Variants in NCAM1 observed in about 807,000 individuals in gnomAD.
NCAM1 encodes antigen recognized by monoclonal antibody 5.1H11.
A neutral mutation model predicts 109.8 loss-of-function variants in NCAM1; 14 were observed. The ratio of observed to expected loss-of-function variants is 0.13; its 90% CI spans 0.08 to 0.20. The LOEUF is 0.20. NCAM1 is among the 10% of genes least tolerant of loss of function. The pLI, the probability that NCAM1 is intolerant of heterozygous loss-of-function variation, is 1.00. For missense variants in NCAM1, 774 were observed against 1,109.9 expected, an observed-to-expected ratio of 0.70 and a Z score of 4.30; for synonymous variants, 418 against 442.9, an observed-to-expected ratio of 0.94 and a Z score of 0.70.
At chr11:113,134,023 A>G (rs1186511555) in intron 1 of NCAM1, 1 of 151,874 alleles carries the variant, frequency 6.6e-6, no homozygotes, top group Non-Finnish European at 1.5e-5. Context: ...CATGTTAATC[A>G]TTTTTAAGTA....
intron 1 of NCAM1, among the ~76,000 whole-genome samples, chr11:113,087,286 C>A (rs1430741815): frequency 2.6e-5 from 4 of 152,194 alleles, no homozygotes; most frequent in African/African-American, 7.2e-5. Context: ...AATGTATCTC[C>A]TATTTCCCTG....
chr11:113,093,200 T>C (rs145600873), intron 1 of NCAM1, among the ~76,000 whole-genome samples: 24 of 152,304 alleles, frequency 1.6e-4, no homozygotes, highest in African/African-American at 5.8e-4. Flanking sequence ...TGGGGGTTCC[T>C]CTAGGAGCAC....
In NCAM1 at chr11:112,963,597, GT is replaced by G. The variant is rs1161507422; in HGVS notation, c.52+1935del. ...TGCCACCTGGGCGGGGGCCACCCCG[GT>G]TATGCCCCTTTCCGCGGTGCCCGTG... On this transcript the variant is annotated intron_variant, in intron 1 of 19. Transcript: ENST00000316851. The surrounding 1 kb of genome is among the most constrained non-coding windows in gnomAD (Gnocchi z 4.6). 2.0e-5 allele frequency: 3 copies of G among 152,482 alleles called. No individual in the cohort carries two copies. Among genetic ancestry groups the G allele is most frequent in the African/African-American group, 7.2e-5 (3 of 41,460 alleles). The allele number at this position is 152,482 out of a possible 1,614,324, so 9.4% of individuals were successfully genotyped here.
At chr11:113,017,833 C>T (rs1348475993) in intron 1 of NCAM1, among the ~76,000 whole-genome samples, 3 of 152,002 alleles carry the variant, frequency 2.0e-5, no homozygotes, top group Non-Finnish European at 2.9e-5. Flanking sequence ...TGAAAAGTTC[C>T]CAATATTACA....
intron 1 of NCAM1, among the ~76,000 whole-genome samples, chr11:113,175,634 G>A (rs1555106887): frequency 6.6e-6 from 1 of 152,130 alleles, no homozygotes; most frequent in East Asian, 1.9e-4. Context: ...GAATCTTTGA[G>A]CTTTGCTTCT....
chr11:112,998,088 A>C (rs1403173761), intron 1 of NCAM1, among the ~76,000 whole-genome samples: 3 of 152,202 alleles, frequency 2.0e-5, no homozygotes, highest in Admixed American at 2.0e-4. Flanking sequence ...CTAGGGTTGA[A>C]AAGGACTCAG....
chr11:113,153,287 C>T (rs952491804), intron 1 of NCAM1, among the ~76,000 whole-genome samples: 6 of 152,104 alleles, frequency 3.9e-5, no homozygotes, highest in East Asian at 3.9e-4. Flanking sequence ...GTGATCCACC[C>T]GCCTCAGCCT....
chr11:113,204,701 C>G (rs557496378), intron 3 of NCAM1, among the ~76,000 whole-genome samples, 197 bp downstream of exon 3: 2 of 152,186 alleles, frequency 1.3e-5, no homozygotes, highest in Admixed American at 1.3e-4. Flanking sequence ...GCTACTCCCC[C>G]ACAGGCGTTC....
chr11:113,077,076 C>A (rs1400414316), intron 1 of NCAM1, among the ~76,000 whole-genome samples: 1 of 152,184 alleles, frequency 6.6e-6, no homozygotes, highest in Non-Finnish European at 1.5e-5. Flanking sequence ...CTTTGAGCAT[C>A]TCTTGTGCCA....
At chr11:113,032,736 G>C (rs782361798) in intron 1 of NCAM1, among the ~76,000 whole-genome samples, 10 of 152,136 alleles carry the variant, frequency 6.6e-5, no homozygotes, top group Admixed American at 1.3e-4. Flanking sequence ...GCTTCTACCT[G>C]TTGGGATTCA....
chr11:113,245,106 T>C (rs1208159252), intron 14 of NCAM1, among the ~76,000 whole-genome samples: 3 of 152,076 alleles, frequency 2.0e-5, no homozygotes, highest in Non-Finnish European at 4.4e-5. Context: ...TTTTTTTCAT[T>C]GTAAATCTCA....
chr11:113,235,382 G>A lies in NCAM1; in HGVS notation c.1825+218G>A. On this transcript the variant is annotated intron_variant, in intron 14 of 19. Transcript: ENST00000316851. ...CTTTCTCCAAGGGGTTGGGGACACT[G>A]TCCTAGTAGCCGGTCCAGCTTGTTA... is the stretch of plus-strand genomic sequence containing the variant. The A allele has an allele frequency of 5.0e-6, 5 of 1,009,648 alleles. No homozygotes were observed. In the Admixed American group the frequency reaches 8.5e-5, roughly 17 times the overall value. The allele number at this position is 1,009,648 out of a possible 1,614,324, so 62.5% of individuals were successfully genotyped here.
chr11:113,021,370 G>A (rs547607838), intron 1 of NCAM1, among the ~76,000 whole-genome samples: 17 of 152,278 alleles, frequency 1.1e-4, no homozygotes, highest in Middle Eastern at 6.8e-3. Context: ...TAACATGAAT[G>A]GAGAAGACAT....
intron 1 of NCAM1, among the ~76,000 whole-genome samples, chr11:112,999,520 T>G (rs1951688753): frequency 6.6e-6 from 1 of 152,162 alleles, no homozygotes; most frequent in African/African-American, 2.4e-5. Flanking sequence ...CATTTTCAAA[T>G]TATGGGGCCT....
intron 9 of NCAM1, among the ~76,000 whole-genome samples, chr11:113,230,905 CATT>C (rs1486817327): frequency 2.0e-5 from 3 of 152,178 alleles, no homozygotes; most frequent in South Asian, 2.1e-4. Flanking sequence ...TTTGACCAAT[CATT>C]ATAATTCCAG....
chr11:113,200,899 T>C (rs1591411013), intron 1 of NCAM1, among the ~76,000 whole-genome samples: 1 of 152,118 alleles, frequency 6.6e-6, no homozygotes, highest in African/African-American at 2.4e-5. Context: ...GCAGTGGTGG[T>C]CTGAGCAGGG....
At chr11:113,177,864 T>G (rs1943215782) in intron 1 of NCAM1, among the ~76,000 whole-genome samples, 1 of 152,158 alleles carries the variant, frequency 6.6e-6, no homozygotes. Context: ...CTTTCCTCTT[T>G]GTCGCTCTTG....
At chr11:113,228,594 TATGGAACCAA>T (rs1944915178) in intron 9 of NCAM1, among the ~76,000 whole-genome samples, 1 of 152,170 alleles carries the variant, frequency 6.6e-6, no homozygotes, top group South Asian at 2.1e-4. Flanking sequence ...TTAAAGTTCA[TATGGAACCAA>T]AAAAGAGCCC....
At chr11:113,141,879 A>T (rs1941843022) in intron 1 of NCAM1, among the ~76,000 whole-genome samples, 1 of 152,178 alleles carries the variant, frequency 6.6e-6, no homozygotes, top group Admixed American at 6.5e-5. Flanking sequence ...AGTCGTATAT[A>T]AAAGTAGGAG....
Sources: gnomAD v4.1 joint callset for allele counts (sites outside exome capture counted in the v4.1 genomes callset) on GRCh38, gnomAD v4.1.1 for gene constraint, Gnocchi (gnomAD v3.1) non-coding constraint, MANE v1.5 for transcripts, NCBI Gene and HGNC (gene_info 2026-07-23, HGNC 2026-07-21) for gene names.